CACNA1B: variants seen among roughly 807,000 people sequenced by gnomAD.
The protein encoded by CACNA1B is voltage-dependent N-type calcium channel subunit alpha-1B.
Under a neutral mutation model 247.2 loss-of-function variants are expected in CACNA1B, and 70 were observed. The ratio of observed to expected loss-of-function variants is 0.28; its 90% CI spans 0.23 to 0.35. The LOEUF is 0.35. Among genes scored for constraint, CACNA1B ranks in the 10% least tolerant of loss-of-function variants. The pLI is 1.00. For missense variants in CACNA1B, 2,367 were observed against 3,197.4 expected (o/e 0.74, Z 6.26); for synonymous variants, 1,231 against 1,294.4 (o/e 0.95, Z 1.05).
At chr9:138,002,671 C>T (rs966481092) in intron 15 of CACNA1B, among the ~76,000 whole-genome samples, 6 of 151,700 alleles carry the variant, frequency 4.0e-5, no homozygotes, top group Admixed American at 2.0e-4. Flanking sequence ...CGTGCCACTG[C>T]GGCCTGGGCA....
Position 137,975,116 on chromosome 9 carries a change from G to A in CACNA1B, c.1544-791G>A, listed in dbSNP as rs150591877. 9.1e-3 allele frequency among the ~76,000 whole-genome samples: 1,389 copies of A among 152,166 alleles called. 18 individuals carry two copies. Among genetic ancestry groups the A allele is most frequent in the Non-Finnish European group, 0.015 (1,040 of 68,004 alleles). The stretch of plus-strand genomic sequence containing the variant: ...CTTTCTGCTTGGGCTGGGTGAGCAA[G>A]AGTCTGTGTACCTTGAATTCCCAGC... On this transcript the variant is annotated intron_variant, in intron 11 of 46. Transcript: ENST00000371372.
chr9:137,955,792 C>T lies in CACNA1B; in HGVS notation c.1165C>T (p.Leu389=), dbSNP rs1957939844. The T allele has an allele frequency of 6.2e-7, 1 of 1,609,798 alleles. No homozygotes were observed. Among genetic ancestry groups the T allele is most frequent in the Non-Finnish European group, 8.5e-7 (1 of 1,177,826 alleles). ...QQIERELNGY[L]EWIFKAEEVM... is the part of the protein sequence containing the mutation. ...GATCGAGCGAGAGCTCAACGGGTAC[C>T]TGGAGTGGATCTTCAAGGCGGGTGA... is the stretch of plus-strand genomic sequence containing the variant. Residue 389 remains leucine, a synonymous_variant, in exon 8 of 47, where the codon CTG becomes TTG. Coordinates refer to ENST00000371372, the MANE Select transcript of CACNA1B (RefSeq NM_000718.4). This position sits in a 1 kb window ranked among gnomAD's most constrained non-coding sequence, Gnocchi z 6.9.
At chr9:138,120,968 GGCCTC>G (rs1203272998) in intron 46 of CACNA1B, 87 bp downstream of exon 46, 27 of 1,426,550 alleles carry the variant, frequency 1.9e-5, no homozygotes, top group Non-Finnish European at 2.4e-5. Flanking sequence ...CTCTCCCCAG[GGCCTC>G]GCTGCTGCCC....
chr9:137,880,166 G>A lies in CACNA1B; in HGVS notation c.390+1007G>A, dbSNP rs1037345117. 2.0e-5 allele frequency among the ~76,000 whole-genome samples: 3 copies of A among 152,196 alleles called. No individual in the cohort carries two copies. Among genetic ancestry groups the A allele is most frequent in the African/African-American group, 7.2e-5 (3 of 41,450 alleles). The stretch of plus-strand genomic sequence containing the variant: ...TGAACCTGGGCCACCGCAGGCCCAG[G>A]AGTGCAGAAGGGGAGACAGGGAGCC... On this transcript the variant is annotated intron_variant, in intron 2 of 46. Coordinates refer to ENST00000371372, the MANE Select transcript of CACNA1B (RefSeq NM_000718.4). This position sits in a 1 kb window ranked among gnomAD's most constrained non-coding sequence, Gnocchi z 4.8.
Position 137,913,088 on chromosome 9 carries a change from G to T in CACNA1B, c.531-92G>T. The T allele has an allele frequency of 1.0e-6, 1 of 959,534 alleles. No homozygotes were observed. 59.4% of individuals were successfully genotyped at this position (959,534 alleles called of 1,614,324 possible). Reference sequence around the variant, plus strand: ...CAGGAATGAAGGTGTCACTGCTCTTGGGAGACATGACCCTGGTGGTGGGAG... The same window carrying T: ...CAGGAATGAAGGTGTCACTGCTCTTTGGAGACATGACCCTGGTGGTGGGAG... On this transcript the variant is annotated intron_variant, in intron 3 of 46. Coordinates refer to ENST00000371372, the MANE Select transcript of CACNA1B (RefSeq NM_000718.4). The surrounding 1 kb of genome is among the most constrained non-coding windows in gnomAD (Gnocchi z 5.2).
chr9:137,973,171 G>A lies in CACNA1B; in HGVS notation c.1543+1579G>A, dbSNP rs913799415. 3.9e-5 allele frequency among the ~76,000 whole-genome samples: 6 copies of A among 152,204 alleles called. No individual in the cohort carries two copies. The highest frequency in any genetic ancestry group is 5.9e-5 in the Non-Finnish European group (4 of 68,034). On this transcript the variant is annotated intron_variant, in intron 11 of 46. Transcript: ENST00000371372. This position sits in a 1 kb window ranked among gnomAD's most constrained non-coding sequence, Gnocchi z 4.1. Reference sequence around the variant, plus strand: ...AGCACAGGGCTGGCAGTGTCCAGGCGTTGGTGAGGCCACAGGCATCCCTGA... The same window carrying A: ...AGCACAGGGCTGGCAGTGTCCAGGCATTGGTGAGGCCACAGGCATCCCTGA...
At chr9:137,909,635 C>T (rs751652346) in intron 3 of CACNA1B, among the ~76,000 whole-genome samples, 11 of 152,154 alleles carry the variant, frequency 7.2e-5, no homozygotes, top group South Asian at 2.1e-4. Flanking sequence ...TCCCCTCTTC[C>T]GGTTATTGTG....
At chr9:137,926,447 G>T (rs1957552431) in intron 6 of CACNA1B, among the ~76,000 whole-genome samples, 1 of 152,148 alleles carries the variant, frequency 6.6e-6, no homozygotes, top group Non-Finnish European at 1.5e-5. Context: ...TGGACCATTG[G>T]GTTGCTTCCA....
In CACNA1B at chr9:138,067,733, T is replaced by C. The variant is rs953619121; in HGVS notation, c.4669-2025T>C. On this transcript the variant is annotated intron_variant, in intron 31 of 46. Transcript: ENST00000371372. ...ATAACCAGAACTCTGGCACTGCTGG[T>C]GGGCGTGCCAGCCAGCACAGCATCT... Among the ~76,000 whole-genome samples, 4 of 152,272 alleles carry C rather than the reference T, an allele frequency of 2.6e-5. No homozygotes were observed. In the South Asian group the frequency reaches 8.3e-4, roughly 32 times the overall value.
At chr9:137,902,702 CT>C (rs888449013) in intron 3 of CACNA1B, among the ~76,000 whole-genome samples, 10 of 152,316 alleles carry the variant, frequency 6.6e-5, no homozygotes, top group African/African-American at 2.4e-4. Context: ...TCCTTCCAAG[CT>C]TTTTCGGTGT....
At chr9:138,076,202 C>T (rs540211621) in intron 35 of CACNA1B, among the ~76,000 whole-genome samples, 20 of 152,286 alleles carry the variant, frequency 1.3e-4, no homozygotes, top group African/African-American at 3.6e-4. Context: ...TGCTCCCTGG[C>T]GACAGCTTGG....
At position 137,993,387 on chromosome 9, in the gene CACNA1B, T is replaced by C. The variant is rs1180530249; in HGVS notation, c.1974+6533T>C. Among the ~76,000 whole-genome samples the C allele has an allele frequency of 2.8e-5, 4 of 141,278 alleles. 1 individual carries two copies. The highest frequency in any genetic ancestry group is 4.5e-4 in the South Asian group (2 of 4,430). The allele number at this position is 141,278 out of a possible 152,430, so 92.7% of individuals were successfully genotyped here. A position where few individuals can be genotyped will look rare whatever the true frequency, so the allele number is the denominator to read the frequency against. ...AGATTAAATTTTTATTTTGTCTGTC[T>C]AGATGGATAAAATTTTTATTTTGTC... On this transcript the variant is annotated intron_variant, in intron 15 of 46. Transcript: ENST00000371372.
intron 44 of CACNA1B, among the ~76,000 whole-genome samples, chr9:138,119,697 T>C (rs1417011000): frequency 6.6e-6 from 1 of 152,168 alleles, no homozygotes; most frequent in Admixed American, 6.5e-5. Flanking sequence ...GGGTGCAGGC[T>C]GAGCCTCCCT....
rs1456583598 is a variant in CACNA1B, at chr9:137,919,667, C to T, written c.966+2236C>T. 6.6e-6 allele frequency among the ~76,000 whole-genome samples: 1 copy of T among 152,212 alleles called. No individual in the cohort carries two copies. Among genetic ancestry groups the T allele is most frequent in the Non-Finnish European group, 1.5e-5 (1 of 68,030 alleles). On this transcript the variant is annotated intron_variant, in intron 6 of 46. Transcript: ENST00000371372. The surrounding 1 kb of genome is among the most constrained non-coding windows in gnomAD (Gnocchi z 4.6). ...TATACGCTCCTTCAAGCAATGACAT[C>T]TGGGTTCTTTGTGGGCGGAAGCCCA...
At chr9:137,922,962 G>A (rs185095832) in intron 6 of CACNA1B, among the ~76,000 whole-genome samples, 3 of 152,190 alleles carry the variant, frequency 2.0e-5, no homozygotes, top group Admixed American at 6.5e-5. Flanking sequence ...CTTAATCCCC[G>A]GCAACCACTA....
At chr9:137,948,883 G>A (rs1957831763) in intron 6 of CACNA1B, among the ~76,000 whole-genome samples, 1 of 146,610 alleles carries the variant, frequency 6.8e-6, no homozygotes, top group Non-Finnish European at 1.5e-5. Flanking sequence ...TGTGTGGTGT[G>A]TGTGTCTGAT....
intron 26 of CACNA1B, among the ~76,000 whole-genome samples, chr9:138,056,876 T>C (rs1306233619): frequency 6.6e-6 from 1 of 152,134 alleles, no homozygotes; most frequent in East Asian, 1.9e-4. Context: ...TAATAGCCAT[T>C]TGTATATCTT....
In CACNA1B at chr9:137,913,110, G is replaced by T; in HGVS notation, c.531-70G>T. 8.4e-7 allele frequency: 1 copy of T among 1,194,426 alleles called. No homozygotes were observed. Among genetic ancestry groups the T allele is most frequent in the East Asian group, 2.4e-5 (1 of 42,348 alleles). The allele number at this position is 1,194,426 out of a possible 1,614,324, so 74.0% of individuals were successfully genotyped here. ...CTTGGGAGACATGACCCTGGTGGTG[G>T]GAGGAGTGTGTCCTCTTCCAGGCTC... On this transcript the variant is annotated intron_variant, in intron 3 of 46. Coordinates refer to ENST00000371372, the MANE Select transcript of CACNA1B (RefSeq NM_000718.4). The surrounding 1 kb of genome is among the most constrained non-coding windows in gnomAD (Gnocchi z 5.2).
At chr9:138,106,496 G>A (rs754007958) in intron 39 of CACNA1B, among the ~76,000 whole-genome samples, 4 of 152,190 alleles carry the variant, frequency 2.6e-5, no homozygotes, top group Admixed American at 6.5e-5. Flanking sequence ...TTCGCTGGGC[G>A]CGGTGGCTCA....
Sources: gnomAD v4.1 joint callset for allele counts (sites outside exome capture counted in the v4.1 genomes callset) on GRCh38, gnomAD v4.1.1 for gene constraint, Gnocchi (gnomAD v3.1) non-coding constraint, MANE v1.5 for transcripts, NCBI Gene and HGNC (gene_info 2026-07-23, HGNC 2026-07-21) for gene names.